Variants in TAB2 observed in about 807,000 individuals in gnomAD.
TAB2 encodes the protein TGF-beta-activated kinase 1 and MAP3K7-binding protein 2.
A neutral mutation model predicts 65.0 loss-of-function variants in TAB2; 3 were observed. The observed-to-expected ratio is 0.05, with a 90% CI of 0.02 to 0.12. The LOEUF (loss-of-function observed/expected upper bound fraction) is 0.12, where lower values mean the gene tolerates loss of function less well. Ranked by LOEUF, TAB2 falls within the 10% of genes least tolerant of loss-of-function variation. TAB2 has a pLI of 1.00. For missense variants in TAB2, 623 were observed against 840.3 expected (o/e 0.74, Z 3.20); for synonymous variants, 298 against 285.1 (o/e 1.05, Z -0.46).
chr6:149,271,534 G>C (rs1203140386), intron 1 of TAB2, among the ~76,000 whole-genome samples: 1 of 152,164 alleles, frequency 6.6e-6, no homozygotes, highest in African/African-American at 2.4e-5. Context: ...CAGAGCACAA[G>C]CTACTTCCTT....
chr6:149,379,608 T>A (rs41288429), intron 3 of TAB2, 90 bp downstream of exon 3: 256 of 1,261,974 alleles, frequency 2.0e-4, no homozygotes, highest in Admixed American at 4.9e-4. Context: ...GTTAGCATTG[T>A]TATTTCATTG....
At chr6:149,257,849 C>T (rs189775085) in intron 1 of TAB2, among the ~76,000 whole-genome samples, 1 of 152,188 alleles carries the variant, frequency 6.6e-6, no homozygotes, top group East Asian at 1.9e-4. Context: ...GAATGCAACT[C>T]TAAGAAAGAG....
chr6:149,312,127 C>T lies in TAB2; in HGVS notation c.-120-65891C>T, dbSNP rs537717803. Among the ~76,000 whole-genome samples, 5 of 152,292 alleles carry T rather than the reference C, an allele frequency of 3.3e-5. No homozygotes were observed. The South Asian group carries it at 6.2e-4, about 19-fold the overall frequency. ...AACAGGACTGCTGATTTCTCATGGA[C>T]CCCACTGTTAGTATTCTCTGAAATA... On this transcript the variant is annotated intron_variant, in intron 1 of 1. Coordinates refer to the TAB2 transcript ENST00000606202.
chr6:149,235,779 G>C (rs1420666440), intron 1 of TAB2, among the ~76,000 whole-genome samples: 1 of 152,178 alleles, frequency 6.6e-6, no homozygotes, highest in Non-Finnish European at 1.5e-5. Context: ...AATTTCATTA[G>C]ACATGCATAG....
chr6:149,398,359 A>G (rs1175248746), intron 5 of TAB2, among the ~76,000 whole-genome samples: 1 of 152,222 alleles, frequency 6.6e-6, no homozygotes, highest in Non-Finnish European at 1.5e-5. Context: ...AATAATGTTT[A>G]CAATTTAATT....
At chr6:149,345,454 A>G (rs1008451368) in intron 1 of TAB2, among the ~76,000 whole-genome samples, 1 of 152,136 alleles carries the variant, frequency 6.6e-6, no homozygotes, top group Non-Finnish European at 1.5e-5. Context: ...GGTACCTTCA[A>G]ATAACTCATT....
intron 1 of TAB2, among the ~76,000 whole-genome samples, chr6:149,249,862 T>G (rs1777824209): frequency 6.6e-6 from 1 of 152,232 alleles, no homozygotes; most frequent in African/African-American, 2.4e-5. Flanking sequence ...CTACTACTAC[T>G]AATAATAAAA....
chr6:149,233,344 G>C (rs927226354), intron 1 of TAB2, among the ~76,000 whole-genome samples: 4 of 152,116 alleles, frequency 2.6e-5, no homozygotes, highest in African/African-American at 9.7e-5. Context: ...TGTAGGCCAA[G>C]AAAGTTGATC....
intron 1 of TAB2, among the ~76,000 whole-genome samples, chr6:149,312,448 A>T (rs1170016852): frequency 6.6e-6 from 1 of 152,108 alleles, no homozygotes; most frequent in Non-Finnish European, 1.5e-5. Context: ...CTGCAACCTC[A>T]GCCTCCCGGG....
chr6:149,297,088 T>C (rs1191349882), intron 1 of TAB2, among the ~76,000 whole-genome samples: 1 of 151,864 alleles, frequency 6.6e-6, no homozygotes, highest in East Asian at 1.9e-4. Context: ...CTTCTCCTCC[T>C]CCCTCCTTCC....
At chr6:149,310,070 G>A (rs1419198792) in intron 1 of TAB2, among the ~76,000 whole-genome samples, 1 of 141,948 alleles carries the variant, frequency 7.0e-6, no homozygotes, top group East Asian at 2.1e-4. Flanking sequence ...AGTGCCTCAT[G>A]CCTGAAATCC....
intron 1 of TAB2, among the ~76,000 whole-genome samples, chr6:149,293,146 T>G (rs1320216758): frequency 6.6e-6 from 1 of 152,188 alleles, no homozygotes; most frequent in Non-Finnish European, 1.5e-5. Context: ...TGGCAATACA[T>G]TAGAAAACTT....
intron 1 of TAB2, chr6:149,247,803 C>T (rs1012185251): frequency 6.6e-6 from 1 of 152,236 alleles, no homozygotes; most frequent in African/African-American, 2.4e-5. Context: ...TTCCAAAACC[C>T]TGGGCCACGG....
intron 6 of TAB2, among the ~76,000 whole-genome samples, chr6:149,406,742 G>T (rs1782677099): frequency 6.6e-6 from 1 of 151,936 alleles, no homozygotes; most frequent in African/African-American, 2.4e-5. Context: ...TTTTGAGACA[G>T]AGTTTCGCTG....
chr6:149,390,407 A>C (rs927637288), intron 3 of TAB2, among the ~76,000 whole-genome samples: 7 of 152,114 alleles, frequency 4.6e-5, no homozygotes, highest in Admixed American at 2.0e-4. Flanking sequence ...TCCCTAGTAT[A>C]TTTTCCAATG....
At position 149,234,580 on chromosome 6, in the gene TAB2, C is replaced by T. The variant is rs556294824; in HGVS notation, c.-121+15804C>T. On this transcript the variant is annotated intron_variant, in intron 1 of 1. Transcript: ENST00000606202. ...CATTTCACAGTTGCCCACCTCCTGC[C>T]GCATGTACCTTGCAAATGACGCTGT... Among the ~76,000 whole-genome samples the T allele has an allele frequency of 1.2e-4, 18 of 152,232 alleles. 1 individual carries two copies. The highest frequency in any genetic ancestry group is 2.2e-4 in the African/African-American group (9 of 41,538).
At chr6:149,335,387 G>C (rs1480677699) in intron 1 of TAB2, among the ~76,000 whole-genome samples, 1 of 151,594 alleles carries the variant, frequency 6.6e-6, no homozygotes, top group Non-Finnish European at 1.5e-5. Context: ...ATATATTTGA[G>C]ACAGGGTATT....
intron 1 of TAB2, among the ~76,000 whole-genome samples, chr6:149,369,382 A>G (rs1781144449): frequency 6.6e-6 from 1 of 152,192 alleles, no homozygotes; most frequent in Non-Finnish European, 1.5e-5. Context: ...AAGCAGAGGG[A>G]ATAAAATGCT....
chr6:149,278,908 A>G (rs1778524743), intron 1 of TAB2, among the ~76,000 whole-genome samples: 1 of 152,156 alleles, frequency 6.6e-6, no homozygotes, highest in African/African-American at 2.4e-5. Flanking sequence ...ATGAAACCCC[A>G]TCCCACAATA....
Sources: gnomAD v4.1 joint callset for allele counts (sites outside exome capture counted in the v4.1 genomes callset) on GRCh38, gnomAD v4.1.1 for gene constraint, MANE v1.5 for transcripts, NCBI Gene and HGNC (gene_info 2026-07-23, HGNC 2026-07-21) for gene names.